TRAPPC9: variants seen among roughly 807,000 people sequenced by gnomAD.
The protein encoded by TRAPPC9 is IKK2 binding protein.
In TRAPPC9, 83 loss-of-function variants were observed where a neutral mutation model predicts 124.0. The observed-to-expected ratio is 0.67, with a 90% CI of 0.56 to 0.80. TRAPPC9 has a LOEUF of 0.80. Ranked by LOEUF, TRAPPC9 falls within the 30% of genes least tolerant of loss-of-function variation. TRAPPC9 has a pLI of 0.00. For missense variants in TRAPPC9, 1,302 were observed against 1,508.3 expected (o/e 0.86, Z 2.27); for synonymous variants, 638 against 617.5 (o/e 1.03, Z -0.49).
chr8:140,078,758 G>A (rs1002256139), intron 17 of TRAPPC9, among the ~76,000 whole-genome samples: 4 of 152,142 alleles, frequency 2.6e-5, no homozygotes, highest in African/African-American at 9.7e-5. Flanking sequence ...CCCAAACTCA[G>A]AGGTCTGCAC....
chr8:139,873,118 G>A (rs540775530), intron 21 of TRAPPC9, among the ~76,000 whole-genome samples: 1 of 152,246 alleles, frequency 6.6e-6, no homozygotes, highest in South Asian at 2.1e-4. Flanking sequence ...TTGGATAGGT[G>A]GGTGGGTAGG....
intron 16 of TRAPPC9, among the ~76,000 whole-genome samples, chr8:140,242,094 C>T (rs930073387): frequency 6.6e-6 from 1 of 151,508 alleles, no homozygotes; most frequent in Non-Finnish European, 1.5e-5. Flanking sequence ...TCACAAAGGC[C>T]AGGGTACGGC....
intron 9 of TRAPPC9, among the ~76,000 whole-genome samples, chr8:140,316,462 G>A (rs559709381): frequency 6.6e-5 from 10 of 152,138 alleles, no homozygotes; most frequent in Non-Finnish European, 1.5e-4. Context: ...TTTTTATCAT[G>A]AAGGGATGCT....
At chr8:140,179,858 T>C (rs1272172902) in intron 17 of TRAPPC9, among the ~76,000 whole-genome samples, 2 of 152,104 alleles carry the variant, frequency 1.3e-5, no homozygotes, top group South Asian at 2.1e-4. Flanking sequence ...GTCAACTTTG[T>C]CTTATATTAA....
chr8:139,967,925 G>T (rs1232500800), intron 19 of TRAPPC9, among the ~76,000 whole-genome samples: 1 of 152,060 alleles, frequency 6.6e-6, no homozygotes, highest in African/African-American at 2.4e-5. Context: ...GACTGCCTGA[G>T]GTCAGGAGTT....
intron 2 of TRAPPC9, among the ~76,000 whole-genome samples, chr8:140,442,989 T>C (rs978093116): frequency 4.1e-5 from 6 of 147,584 alleles, no homozygotes; most frequent in Non-Finnish European, 6.0e-5. Flanking sequence ...AAGAATTAGC[T>C]GGGCATGGTG....
chr8:140,271,581 A>G (rs1032069796), intron 15 of TRAPPC9, among the ~76,000 whole-genome samples: 6 of 152,144 alleles, frequency 3.9e-5, no homozygotes, highest in African/African-American at 1.4e-4. Context: ...CCAATGGGGG[A>G]AAAAAGGGCA....
intron 10 of TRAPPC9, among the ~76,000 whole-genome samples, chr8:140,300,938 C>T (rs573612505): frequency 6.6e-6 from 1 of 152,334 alleles, no homozygotes; most frequent in African/African-American, 2.4e-5. Flanking sequence ...AGCTGTGTGC[C>T]TTTGGGCACG....
At chr8:140,413,973 G>A (rs951228140) in intron 5 of TRAPPC9, among the ~76,000 whole-genome samples, 9 of 151,810 alleles carry the variant, frequency 5.9e-5, no homozygotes, top group East Asian at 1.9e-4. Flanking sequence ...ATAAACATAC[G>A]TGTGCATGTG....
chr8:139,988,757 C>T lies in TRAPPC9; in HGVS notation c.2779G>A (p.Ala927Thr), dbSNP rs934610979. Residue 927 changes from alanine to threonine, a missense_variant, in exon 19 of 23, where the codon GCA becomes ACA. This residue lies in a region of TRAPPC9 where 640 missense variants were observed against 679.3 expected (regional missense o/e 0.94). Transcript: ENST00000438773. Reference sequence around the variant, plus strand: ...CACTCACCGGCGTGCAGGATGAGTGCCTCGCTGCTCCTGGTGCTGACGGTC... The same window carrying T: ...CACTCACCGGCGTGCAGGATGAGTGTCTCGCTGCTCCTGGTGCTGACGGTC... The part of the protein sequence containing the change: ...ELTVSTRSSE[A>T]LILHAGECQR... 2.6e-6 allele frequency: 4 copies of T among 1,551,060 alleles called. No homozygotes were observed. Among genetic ancestry groups the T allele is most frequent in the African/African-American group, 2.7e-5 (2 of 73,040 alleles).
At chr8:139,748,453 A>G (rs1819096107) in intron 21 of TRAPPC9, among the ~76,000 whole-genome samples, 1 of 103,802 alleles carries the variant, frequency 9.6e-6, no homozygotes, top group Non-Finnish European at 1.8e-5. Flanking sequence ...CAGGGATCAG[A>G]GAAGATGCAG....
upstream of TRAPPC9, among the ~76,000 whole-genome samples, chr8:140,458,034 T>G (rs1475230668): frequency 2.3e-3 from 107 of 46,978 alleles, no homozygotes; most frequent in Admixed American, 2.7e-3. Context: ...GGAGGAGGGG[T>G]GAAAGAAGGA....
intron 5 of TRAPPC9, among the ~76,000 whole-genome samples, chr8:140,424,069 A>G (rs1237623030): frequency 6.6e-6 from 1 of 152,194 alleles, no homozygotes; most frequent in African/African-American, 2.4e-5. Context: ...GGGTTGCACA[A>G]CTTTGTAAAT....
intron 21 of TRAPPC9, among the ~76,000 whole-genome samples, chr8:139,829,265 C>T (rs770976795): frequency 2.6e-5 from 4 of 152,374 alleles, no homozygotes; most frequent in Middle Eastern, 3.4e-3. Context: ...TGCTTTGGTG[C>T]GTGCACCACT....
At chr8:140,242,897 G>A (rs922104696) in intron 16 of TRAPPC9, among the ~76,000 whole-genome samples, 27 of 152,196 alleles carry the variant, frequency 1.8e-4, no homozygotes, top group African/African-American at 6.3e-4. Context: ...GAGGGGGAGG[G>A]AGGTTAAAAG....
chr8:140,259,214 T>C (rs1338560054), intron 15 of TRAPPC9, among the ~76,000 whole-genome samples: 3 of 152,174 alleles, frequency 2.0e-5, no homozygotes, highest in Non-Finnish European at 4.4e-5. Context: ...CCCGCTCACT[T>C]TCCCAAATAC....
rs111811021 is a variant in TRAPPC9 at position 139,806,961 on chromosome 8, C to T, written c.3056-74759G>A. ...AGCCAGTGCTTTGATCGGCCACAGGCCAGGAAGGCCCGAGCACTTAGCGGC... is the reference window on the plus strand; with the variant it reads ...AGCCAGTGCTTTGATCGGCCACAGGTCAGGAAGGCCCGAGCACTTAGCGGC... On this transcript the variant is annotated intron_variant, in intron 21 of 22. Transcript: ENST00000438773. Among the ~76,000 whole-genome samples, 611 of 152,344 alleles carry T rather than the reference C, an allele frequency of 4.0e-3. 3 individuals are homozygous for T. The highest frequency in any genetic ancestry group is 0.014 in the African/African-American group (563 of 41,590).
At chr8:139,912,607 G>A (rs1190478582) in intron 19 of TRAPPC9, among the ~76,000 whole-genome samples, 2 of 152,174 alleles carry the variant, frequency 1.3e-5, no homozygotes, top group South Asian at 2.1e-4. Context: ...GCATGGACAG[G>A]CCTGTCTCCC....
chr8:139,993,375 C>T (rs769645462), intron 18 of TRAPPC9, among the ~76,000 whole-genome samples: 2 of 152,166 alleles, frequency 1.3e-5, no homozygotes, highest in Non-Finnish European at 2.9e-5. Flanking sequence ...ATTTCTCACC[C>T]AACCTATTGG....
Sources: gnomAD v4.1 joint callset for allele counts (sites outside exome capture counted in the v4.1 genomes callset) on GRCh38, gnomAD v4.1.1 for gene constraint, gnomAD v4.1.1 regional missense constraint, MANE v1.5 for transcripts, NCBI Gene and HGNC (gene_info 2026-07-23, HGNC 2026-07-21) for gene names.